Variants in LPIN1 observed in about 807,000 individuals in gnomAD.
LPIN1 encodes phosphatidate phosphatase LPIN1.
In LPIN1, 71 loss-of-function variants were observed where a neutral mutation model predicts 107.5. The ratio of observed to expected loss-of-function variants is 0.66; its 90% CI spans 0.55 to 0.80. LPIN1 has a LOEUF of 0.80. LPIN1 is among the 30% of genes least tolerant of loss of function. The pLI is 0.00. For synonymous variants in LPIN1, 445 were observed against 452.6 expected (o/e 0.98, Z 0.21); for missense variants, 1,043 against 1,160.6 (o/e 0.90, Z 1.47).
At chr2:11,745,954 C>T (rs1028102575), upstream of LPIN1, 1 of 152,296 alleles carries the variant, frequency 6.6e-6, no homozygotes, top group Non-Finnish European at 1.5e-5. Context: ...AATCATTTCA[C>T]CACCAGACGT....
At chr2:11,773,235 C>T (rs1398978426) in intron 4 of LPIN1, among the ~76,000 whole-genome samples, 3 of 152,198 alleles carry the variant, frequency 2.0e-5, no homozygotes, top group Admixed American at 2.0e-4. Flanking sequence ...GCAGTTCTGC[C>T]TGTACCTGGC....
chr2:11,700,649 A>G (rs916358937), intron 1 of LPIN1, among the ~76,000 whole-genome samples: 6 of 152,084 alleles, frequency 3.9e-5, no homozygotes, highest in African/African-American at 1.4e-4. Context: ...TTCAGTCTCC[A>G]CTTGGCCACT....
chr2:11,772,132 A>G (rs1671953430), intron 4 of LPIN1, among the ~76,000 whole-genome samples: 1 of 152,122 alleles, frequency 6.6e-6, no homozygotes, highest in Non-Finnish European at 1.5e-5. Flanking sequence ...TGAGAATCTG[A>G]TGCTGCCACT....
chr2:11,743,273 T>G (rs115811834), upstream of LPIN1, among the ~76,000 whole-genome samples: 1,553 of 152,350 alleles, frequency 0.01, 12 homozygotes, highest in Non-Finnish European at 0.018. This position sits in a 1 kb window ranked among gnomAD's most constrained non-coding sequence, Gnocchi z 4.7. Context: ...CTGCCCTAAC[T>G]GTGAAGTGGG....
intron 20 of LPIN1, among the ~76,000 whole-genome samples, chr2:11,822,779 G>A (rs1339048097): frequency 6.6e-6 from 1 of 152,198 alleles, no homozygotes; most frequent in Non-Finnish European, 1.5e-5. Flanking sequence ...ATGGGAAAGT[G>A]GCAGGTCTTG....
chr2:11,773,883 G>A, intron 5 of LPIN1, 138 bp downstream of exon 5: 1 of 935,340 alleles, frequency 1.1e-6, no homozygotes, highest in Non-Finnish European at 1.6e-6. Context: ...AGAGTCGGAG[G>A]TACAGATTAG....
chr2:11,715,140 C>T (rs78596592), intron 2 of LPIN1, among the ~76,000 whole-genome samples: 2,906 of 152,304 alleles, frequency 0.019, 97 homozygotes, highest in African/African-American at 0.066. Context: ...GTAAGTGACC[C>T]CCTTCACCTG....
intron 1 of LPIN1, among the ~76,000 whole-genome samples, chr2:11,695,522 A>G (rs7597790): frequency 0.13 from 19,818 of 152,128 alleles, 3,827 homozygotes; most frequent in African/African-American, 0.42. Flanking sequence ...GAAGGCATCT[A>G]GAGATGCAGT....
chr2:11,786,995 G>T lies in LPIN1; in HGVS notation c.1550-79G>T. On this transcript the variant is annotated intron_variant, in intron 10 of 20. Transcript: ENST00000674199. This position sits in a 1 kb window ranked among gnomAD's most constrained non-coding sequence, Gnocchi z 4.1. ...AAACTCTCAGAAAACACTTGTGAGTGAGCAAATGAAAGGTAGGCCTAATTT... is the reference window on the plus strand; with the variant it reads ...AAACTCTCAGAAAACACTTGTGAGTTAGCAAATGAAAGGTAGGCCTAATTT... 1.1e-6 allele frequency: 1 copy of T among 917,802 alleles called. No homozygotes were observed. The highest frequency in any genetic ancestry group is 1.3e-5 in the South Asian group (1 of 76,230). 56.9% of individuals were successfully genotyped at this position (917,802 alleles called of 1,614,324 possible).
chr2:11,773,601 C>CA lies in LPIN1; in HGVS notation c.597-19_597-18insA, dbSNP rs1553427923. 6 of 1,235,962 alleles carry CA rather than the reference C, an allele frequency of 4.9e-6. No homozygotes were observed. Among genetic ancestry groups the CA allele is most frequent in the African/African-American group, 4.6e-5 (3 of 65,444 alleles). The allele number at this position is 1,235,962 out of a possible 1,614,324, so 76.6% of individuals were successfully genotyped here. On this transcript the variant is annotated intron_variant, in intron 4 of 20. Coordinates refer to ENST00000674199, the MANE Select transcript of LPIN1 (RefSeq NM_001349206.2). Reference sequence around the variant, plus strand: ...TCATTAAGAATTCTTTGACTTTAATCTTTTTTTTTTTCCTCCAGAACTCTT... The same window carrying CA: ...TCATTAAGAATTCTTTGACTTTAATCATTTTTTTTTTTCCTCCAGAACTCTT...
At chr2:11,716,613 G>A (rs374942742) in intron 2 of LPIN1, among the ~76,000 whole-genome samples, 3 of 152,052 alleles carry the variant, frequency 2.0e-5, no homozygotes, top group Non-Finnish European at 2.9e-5. Flanking sequence ...TGATGGTGCC[G>A]TGTGTCAGGT....
At chr2:11,759,118 A>T (rs1029265212) in intron 1 of LPIN1, among the ~76,000 whole-genome samples, 106 of 148,070 alleles carry the variant, frequency 7.2e-4, no homozygotes, top group African/African-American at 2.6e-3. Flanking sequence ...TGAGCTAGCT[A>T]GCTTGCTTTC....
intron 12 of LPIN1, among the ~76,000 whole-genome samples, chr2:11,788,785 G>T (rs1675126424): frequency 6.6e-6 from 1 of 152,244 alleles, no homozygotes; most frequent in Non-Finnish European, 1.5e-5. Flanking sequence ...AAAGGGAGAT[G>T]ATTGTCACCC....
chr2:11,822,277 C>CAAAAAAAAAAAAA (rs751514674), intron 20 of LPIN1, among the ~76,000 whole-genome samples: 1 of 78,880 alleles, frequency 1.3e-5, no homozygotes, highest in Non-Finnish European at 2.5e-5. Context: ...CTAGAAATGC[C>CAAAAAAAAAAAAA]AAAAAAAAAA....
At chr2:11,768,412 C>T (rs1268260766) in intron 3 of LPIN1, among the ~76,000 whole-genome samples, 1 of 152,116 alleles carries the variant, frequency 6.6e-6, no homozygotes, top group Non-Finnish European at 1.5e-5. Flanking sequence ...CTCCACCTTC[C>T]AACTGCTGAG....
intron 14 of LPIN1, among the ~76,000 whole-genome samples, chr2:11,797,379 G>T (rs1676906343): frequency 1.3e-5 from 2 of 152,192 alleles, no homozygotes; most frequent in South Asian, 4.2e-4. Flanking sequence ...AAACCAATTG[G>T]GGAGGATGGC....
At chr2:11,724,394 C>G in exon 1 of LPIN1, 1 of 986,242 alleles carries the variant, frequency 1.0e-6, no homozygotes, top group South Asian at 4.7e-5. Flanking sequence ...GAGGAGGCAG[C>G]CTGAGGGAAG....
In LPIN1 at chr2:11,792,166, C is replaced by T. The variant is rs575577084; in HGVS notation, c.1806+160C>T. 871 of 663,684 alleles carry T rather than the reference C, an allele frequency of 1.3e-3. 8 individuals carry two copies. In the South Asian group the frequency reaches 0.013, roughly 10 times the overall value. 41.1% of individuals were successfully genotyped at this position (663,684 alleles called of 1,614,324 possible). On this transcript the variant is annotated intron_variant, in intron 13 of 20. Transcript: ENST00000674199. Reference sequence around the variant, plus strand: ...TGAAGTAGGGCGAGTGCTCGTGGAACGTGGGGAAGGTGGGGAGGAAGGTCA... The same window carrying T: ...TGAAGTAGGGCGAGTGCTCGTGGAATGTGGGGAAGGTGGGGAGGAAGGTCA...
chr2:11,773,247 G>A (rs1372859008), intron 4 of LPIN1, among the ~76,000 whole-genome samples: 1 of 152,234 alleles, frequency 6.6e-6, no homozygotes, highest in African/African-American at 2.4e-5. Flanking sequence ...GTACCTGGCA[G>A]GGGTTTTATA....
Sources: allele counts gnomAD v4.1 joint callset (sites outside exome capture counted in the v4.1 genomes callset), GRCh38; gene constraint gnomAD v4.1.1; non-coding constraint Gnocchi (gnomAD v3.1); transcripts MANE v1.5; gene names NCBI Gene and HGNC (gene_info 2026-07-23, HGNC 2026-07-21).